Variants in ME3 observed in about 807,000 individuals in gnomAD.
ME3 encodes NADP-dependent malic enzyme, mitochondrial.
In ME3, 48 loss-of-function variants were observed where a neutral mutation model predicts 68.9. That is an observed-to-expected ratio of 0.70 (90% CI 0.55 to 0.89). The LOEUF is 0.89. ME3 is among the 40% of genes least tolerant of loss of function. The pLI, the probability that ME3 is intolerant of heterozygous loss-of-function variation, is 0.00. For missense variants in ME3, 675 were observed against 797.4 expected, an observed-to-expected ratio of 0.85 and a Z score of 1.85; for synonymous variants, 320 against 318.8, an observed-to-expected ratio of 1.00 and a Z score of -0.04.
chr11:86,490,045 A>G (rs1464502666), intron 6 of ME3, among the ~76,000 whole-genome samples: 1 of 152,194 alleles, frequency 6.6e-6, no homozygotes, highest in Admixed American at 6.5e-5. Context: ...GTCATGCTGC[A>G]TGGGTGGCTC....
intron 2 of ME3, among the ~76,000 whole-genome samples, chr11:86,640,348 C>A (rs540252889): frequency 6.6e-6 from 1 of 152,192 alleles, no homozygotes; most frequent in Non-Finnish European, 1.5e-5. Context: ...GCTAGGCAGC[C>A]TCTGACTTTT....
At chr11:86,534,676 A>AAATAATAAT (rs773693222) in intron 4 of ME3, among the ~76,000 whole-genome samples, 1 of 151,780 alleles carries the variant, frequency 6.6e-6, no homozygotes, top group African/African-American at 2.4e-5. Flanking sequence ...CTATATCTCA[A>AAATAATAAT]AATAATAATA....
intron 4 of ME3, among the ~76,000 whole-genome samples, chr11:86,520,664 T>G (rs1013794049): frequency 3.9e-5 from 6 of 152,212 alleles, no homozygotes; most frequent in African/African-American, 1.4e-4. Context: ...TCCAGTAGAC[T>G]TGAAGCTCAG....
intron 4 of ME3, among the ~76,000 whole-genome samples, chr11:86,550,454 C>T (rs1956608859): frequency 6.6e-6 from 1 of 152,174 alleles, no homozygotes; most frequent in Non-Finnish European, 1.5e-5. Context: ...CCAGTGCTCT[C>T]CCTATAACAG....
chr11:86,446,906 A>G, intron 12 of ME3, 159 bp downstream of exon 12: 2 of 1,017,680 alleles, frequency 2.0e-6, no homozygotes, highest in East Asian at 2.6e-5. Context: ...AGCCAGCTCC[A>G]CTCCTTATTA....
chr11:86,446,599 C>G (rs920694813), intron 12 of ME3, 112 bp from the exon 13 acceptor site: 15 of 1,039,810 alleles, frequency 1.4e-5, no homozygotes, highest in Non-Finnish European at 2.0e-5. Context: ...TCCCAAACGC[C>G]CAGCACTGTG....
intron 2 of ME3, among the ~76,000 whole-genome samples, chr11:86,655,847 C>T (rs556129413): frequency 3.1e-4 from 47 of 152,140 alleles, no homozygotes; most frequent in African/African-American, 9.2e-4. Flanking sequence ...GCAACCTACT[C>T]ATCTGACAAA....
intron 4 of ME3, among the ~76,000 whole-genome samples, chr11:86,547,957 G>A (rs1344404600): frequency 2.6e-5 from 4 of 152,214 alleles, no homozygotes; most frequent in Non-Finnish European, 5.9e-5. Flanking sequence ...TTGGCTAAAG[G>A]AAGTCAACCC....
chr11:86,609,850 T>C (rs571625947), intron 2 of ME3, among the ~76,000 whole-genome samples: 5 of 152,280 alleles, frequency 3.3e-5, no homozygotes, highest in Admixed American at 3.3e-4. Flanking sequence ...ATGTATAAAA[T>C]GGATAACTCT....
intron 4 of ME3, among the ~76,000 whole-genome samples, chr11:86,544,605 C>G (rs1354137349): frequency 2.0e-5 from 3 of 152,092 alleles, no homozygotes; most frequent in African/African-American, 7.2e-5. Context: ...AAGACTAAAC[C>G]AGGAAGAAGT....
chr11:86,625,586 T>G (rs1943613300), intron 2 of ME3, among the ~76,000 whole-genome samples: 2 of 152,146 alleles, frequency 1.3e-5, no homozygotes, highest in Admixed American at 6.5e-5. Context: ...TCTCCATGTA[T>G]TCAACCATGC....
At chr11:86,602,718 C>T (rs990857576) in intron 2 of ME3, among the ~76,000 whole-genome samples, 3 of 152,176 alleles carry the variant, frequency 2.0e-5, no homozygotes, top group South Asian at 2.1e-4. Flanking sequence ...TGCAAGGCTA[C>T]AGTAACCAAA....
chr11:86,482,353 G>A (rs1206962095), intron 7 of ME3, among the ~76,000 whole-genome samples: 2 of 152,150 alleles, frequency 1.3e-5, no homozygotes, highest in African/African-American at 4.8e-5. Flanking sequence ...GCCTGGCTCA[G>A]TGTCTGGTGT....
chr11:86,478,029 C>G (rs1020112245), intron 7 of ME3, among the ~76,000 whole-genome samples: 8 of 152,110 alleles, frequency 5.3e-5, no homozygotes, highest in African/African-American at 1.9e-4. Flanking sequence ...AAATTTCCTT[C>G]CTCTGTGCTT....
At chr11:86,450,849 G>C (rs1949590499) in intron 8 of ME3, among the ~76,000 whole-genome samples, 1 of 152,196 alleles carries the variant, frequency 6.6e-6, no homozygotes, top group Admixed American at 6.5e-5. Flanking sequence ...CATAAGGTTG[G>C]CTGTGTCTGG....
intron 2 of ME3, among the ~76,000 whole-genome samples, chr11:86,660,911 C>T (rs1344743028): frequency 6.6e-6 from 1 of 152,140 alleles, no homozygotes; most frequent in Non-Finnish European, 1.5e-5. Context: ...ATTCTCCAGT[C>T]CCCATGGAGT....
intron 7 of ME3, among the ~76,000 whole-genome samples, chr11:86,465,589 A>G (rs1950438703): frequency 6.6e-6 from 1 of 152,070 alleles, no homozygotes; most frequent in African/African-American, 2.4e-5. Flanking sequence ...TCCACATCCA[A>G]GTGCATGCAG....
chr11:86,671,697 C>T, intron 2 of ME3, 65 bp downstream of exon 2: 2 of 1,573,102 alleles, frequency 1.3e-6, no homozygotes, highest in Non-Finnish European at 1.7e-6. Context: ...GTCCAGGGGG[C>T]GGGGCGCAAT....
intron 6 of ME3, among the ~76,000 whole-genome samples, chr11:86,492,072 A>C (rs1952042925): frequency 6.6e-6 from 1 of 152,270 alleles, no homozygotes; most frequent in Non-Finnish European, 1.5e-5. Flanking sequence ...AAGGGGCTCT[A>C]GGCTTTCAAA....
Sources: allele counts gnomAD v4.1 joint callset (sites outside exome capture counted in the v4.1 genomes callset), GRCh38; gene constraint gnomAD v4.1.1; transcripts MANE v1.5; gene names NCBI Gene and HGNC (gene_info 2026-07-23, HGNC 2026-07-21).